Variants in PCNX3 observed in about 807,000 individuals in gnomAD.
PCNX3 encodes the protein pecanex 3, also known as pecanex-like protein 3.
A neutral mutation model predicts 207.2 loss-of-function variants in PCNX3; 58 were observed. The ratio of observed to expected loss-of-function variants is 0.28; its 90% CI spans 0.23 to 0.35. PCNX3 has a LOEUF of 0.35. Among genes scored for constraint, PCNX3 ranks in the 10% least tolerant of loss-of-function variants. PCNX3 has a pLI of 1.00. For missense variants in PCNX3, 2,410 were observed against 2,774.4 expected (o/e 0.87, Z 2.95); for synonymous variants, 1,337 against 1,183.5 (o/e 1.13, Z -2.66).
In PCNX3 at chr11:65,637,363, C is replaced by A; in HGVS notation, c.*385C>A. On this transcript the variant is annotated 3_prime_UTR_variant, in exon 35 of 35. Transcript: ENST00000355703. ...GTGGGAAGGGTGGTTTCTTTCTTTC[C>A]TTTTTTTTCTTTTCTTTTTTTTTTT... 1 of 198,382 alleles carries A rather than the reference C, an allele frequency of 5.0e-6. No homozygotes were observed. Among genetic ancestry groups the A allele is most frequent in the Non-Finnish European group, 9.9e-6 (1 of 101,370 alleles). 12.3% of individuals were successfully genotyped at this position (198,382 alleles called of 1,614,324 possible).
At position 65,636,285 on chromosome 11, in the gene PCNX3, C is replaced by A. The variant is rs774608062; in HGVS notation, c.5571C>A (p.His1857Gln). The change falls in exon 33 of 35, where the codon CAC becomes CAA. Residue 1857 changes from histidine (H) to glutamine (Q), a missense_variant. His to Gln is a conservative substitution (Grantham distance 24, BLOSUM62 0). This residue lies in a region of PCNX3 where 278 missense variants were observed against 245.1 expected (regional missense o/e 1.13). Transcript: ENST00000355703. Reference protein sequence around the residue: ...TSLSNNPPVAHPTPENTAGNG... With the variant: ...TSLSNNPPVAQPTPENTAGNG... Reference sequence around the variant, plus strand: ...TCAGCAATAACCCCCCCGTGGCACACCCCACACCTGAGAACACGGCAGGTG... The same window carrying A: ...TCAGCAATAACCCCCCCGTGGCACAACCCACACCTGAGAACACGGCAGGTG... 1.1e-5 allele frequency: 18 copies of A among 1,608,108 alleles called. 1 individual carries two copies. Among genetic ancestry groups the A allele is most frequent in the Middle Eastern group, 3.3e-4 (2 of 6,054 alleles).
Position 65,629,752 on chromosome 11 carries a change from G to C in PCNX3, c.4216+17G>C, listed in dbSNP as rs1463287662. On this transcript the variant is annotated intron_variant, in intron 26 of 34. Transcript: ENST00000355703. Reference sequence around the variant, plus strand: ...AGTTCCGGGGTGAGCCGCAGGACCAGGCTCGGGTGGGCAGGCACAGCTCGG... The same window carrying C: ...AGTTCCGGGGTGAGCCGCAGGACCACGCTCGGGTGGGCAGGCACAGCTCGG... 1 of 1,548,586 alleles carries C rather than the reference G, an allele frequency of 6.5e-7. No individual in the cohort carries two copies. Among genetic ancestry groups the C allele is most frequent in the African/African-American group, 1.4e-5 (1 of 72,986 alleles).
chr11:65,637,113 T>A lies in PCNX3; in HGVS notation c.*135T>A. On this transcript the variant is annotated 3_prime_UTR_variant, in exon 35 of 35. Transcript: ENST00000355703. ...TGACCTTTGGCTGCCTTGGCCAGAG[T>A]ACCAAAACTGAGTGACCCAGACCTC... 3.0e-6 allele frequency: 3 copies of A among 991,150 alleles called. No individual in the cohort carries two copies. The highest frequency in any genetic ancestry group is 1.6e-5 in the African/African-American group (1 of 61,830). The allele number at this position is 991,150 out of a possible 1,614,324, so 61.4% of individuals were successfully genotyped here. A position where few individuals can be genotyped will look rare whatever the true frequency, so the allele number is the denominator to read the frequency against.
chr11:65,623,825 C>A, intron 12 of PCNX3, 104 bp from the exon 13 acceptor site: 3 of 1,569,492 alleles, frequency 1.9e-6, no homozygotes, highest in Admixed American at 3.4e-5. Flanking sequence ...GGGGCCTGAC[C>A]TGGTCACTCA....
Position 65,626,059 on chromosome 11 carries a change from G to T in PCNX3, c.3379+5G>T. On this transcript the variant is annotated splice_donor_5th_base_variant and intron_variant, in intron 20 of 34. Coordinates refer to ENST00000355703, the MANE Select transcript of PCNX3 (RefSeq NM_032223.4). ...ACAGCCAGTATGAAGTGCGCGGTGA[G>T]TGCCCACCCCTGATGGCCAGGCCTG... 6.3e-7 allele frequency: 1 copy of T among 1,597,382 alleles called. No individual in the cohort carries two copies.
At position 65,619,886 on chromosome 11, in the gene PCNX3, T is replaced by C. The variant is rs373103309; in HGVS notation, c.1962T>C (p.Phe654=). The change falls in exon 8 of 35, where the codon TTT becomes TTC. Residue 654 remains phenylalanine (F), a synonymous_variant. Transcript: ENST00000355703. ...AGANVHEACT[F]DDTSEGAVHY... is the part of the protein sequence containing the mutation. Reference sequence around the variant, plus strand: ...CCAATGTGCATGAGGCCTGCACCTTTGATGACACTTCTGAGGGTGCTGTGC... The same window carrying C: ...CCAATGTGCATGAGGCCTGCACCTTCGATGACACTTCTGAGGGTGCTGTGC... The C allele has an allele frequency of 5.4e-5, 87 of 1,611,900 alleles. 1 individual carries two copies. In the Admixed American group the frequency reaches 1.3e-3, roughly 24 times the overall value.
Position 65,616,416 on chromosome 11 carries a change from C to T in PCNX3, c.105C>T (p.His35=), listed in dbSNP as rs561962666. The change falls in exon 1 of 35, where the codon CAC becomes CAT. Residue 35 remains histidine (H), a synonymous_variant. Coordinates refer to ENST00000355703, the MANE Select transcript of PCNX3 (RefSeq NM_032223.4). ...PHQSTFSNCF[H]LYVWIFLLIF... is the part of the protein sequence containing the mutation. ...AGAGCACCTTCTCCAACTGCTTCCA[C>T]CTCTATGTCTGGATCTTCCTGCTCA... The T allele has an allele frequency of 3.7e-5, 59 of 1,610,528 alleles. No homozygotes were observed. In the East Asian group the frequency reaches 8.3e-4, roughly 23 times the overall value.
intron 10 of PCNX3, among the ~76,000 whole-genome samples, chr11:65,621,370 C>T (rs1448302573): frequency 6.6e-6 from 1 of 152,218 alleles, no homozygotes; most frequent in Non-Finnish European, 1.5e-5. Flanking sequence ...CACTTCCTGT[C>T]TCAGTATACT....
rs148619950 is a variant in PCNX3 at position 65,620,135 on chromosome 11, A to G, written c.2008+203A>G. On this transcript the variant is annotated intron_variant, in intron 8 of 34. Coordinates refer to ENST00000355703, the MANE Select transcript of PCNX3 (RefSeq NM_032223.4). ...AGGAAACAGAGGCTCAGCTTACAGTACAGGGGAGATCTAAAGCTAGGACAG... is the reference window on the plus strand; with the variant it reads ...AGGAAACAGAGGCTCAGCTTACAGTGCAGGGGAGATCTAAAGCTAGGACAG... Among the ~76,000 whole-genome samples the G allele has an allele frequency of 5.5e-4, 84 of 152,336 alleles. 2 individuals are homozygous for G. In the East Asian group the frequency reaches 0.016, roughly 29 times the overall value.
rs920267907 is a variant in PCNX3 at position 65,618,538 on chromosome 11, C to G, written c.1176C>G (p.Ser392Arg). 2 of 1,611,116 alleles carry G rather than the reference C, an allele frequency of 1.2e-6. No homozygotes were observed. Among genetic ancestry groups the G allele is most frequent in the Admixed American group, 1.7e-5 (1 of 59,962 alleles). The change falls in exon 6 of 35, where the codon AGC becomes AGG. Residue 392 changes from serine to arginine, a missense_variant. This residue lies in a region of PCNX3 where 1,104 missense variants were observed against 970.3 expected (regional missense o/e 1.14). Coordinates refer to ENST00000355703, the MANE Select transcript of PCNX3 (RefSeq NM_032223.4). ...AGGACTTGGCCCTGCTACGGCCTAG[C>G]AAACGGCAGCCACCCCTGCGAAGAC... ...RPKDLALLRP[S>R]KRQPPLRRHS...
chr11:65,619,155 A>G (rs1854930208), intron 6 of PCNX3, 88 bp downstream of exon 6: 1 of 1,094,256 alleles, frequency 9.1e-7, no homozygotes, highest in Non-Finnish European at 1.3e-6. Flanking sequence ...GGACCTGGTC[A>G]GTGTCAGCTC....
chr11:65,616,023 C>A lies in PCNX3; in HGVS notation c.-289C>A, dbSNP rs1854707555. On this transcript the variant is annotated 5_prime_UTR_variant, in exon 1 of 35. The change creates a premature stop within an existing upstream ORF in the 5' untranslated region. Transcript: ENST00000355703. ...GTACCCGGCCCGTGCCCCGCGCCTG[C>A]CTGCCGGCTCGGCCCCTCGGAGCAA... The A allele has an allele frequency of 4.1e-6, 1 of 242,964 alleles. No homozygotes were observed. The highest frequency in any genetic ancestry group is 7.9e-6 in the Non-Finnish European group (1 of 127,212). The allele number at this position is 242,964 out of a possible 1,614,324, so 15.1% of individuals were successfully genotyped here. A position where few individuals can be genotyped will look rare whatever the true frequency, so the allele number is the denominator to read the frequency against.
intron 27 of PCNX3, among the ~76,000 whole-genome samples, chr11:65,633,029 G>C (rs996509873): frequency 6.6e-6 from 1 of 152,158 alleles, no homozygotes; most frequent in African/African-American, 2.4e-5. Context: ...ACAGGTGTGA[G>C]CCACCCTGTC....
At chr11:65,624,412 G>T in intron 14 of PCNX3, 46 bp downstream of exon 14, 1 of 1,551,688 alleles carries the variant, frequency 6.4e-7, no homozygotes, top group Admixed American at 2.0e-5. Context: ...GTGAGTCCCC[G>T]AGGGTGGGCC....
intron 1 of PCNX3, 128 bp from the exon 2 acceptor site, chr11:65,616,696 A>G: frequency 1.2e-5 from 13 of 1,103,782 alleles, no homozygotes; most frequent in South Asian, 3.1e-5. Flanking sequence ...AGGTCTGTGT[A>G]CTGGTTGTGT....
chr11:65,622,153 G>A, intron 10 of PCNX3, 92 bp from the exon 11 acceptor site: 1 of 1,367,518 alleles, frequency 7.3e-7, no homozygotes, highest in South Asian at 1.4e-5. Context: ...GGGGGTAACA[G>A]TAGACCATGT....
At chr11:65,633,535 C>T (rs949687588) in intron 27 of PCNX3, among the ~76,000 whole-genome samples, 2 of 152,180 alleles carry the variant, frequency 1.3e-5, no homozygotes, top group African/African-American at 4.8e-5. Context: ...CTGCCCCACT[C>T]GCTCCCCGCC....
Position 65,620,828 on chromosome 11 carries a change from C to T in PCNX3, c.2100-3C>T. 1 of 1,595,246 alleles carries T rather than the reference C, an allele frequency of 6.3e-7. No homozygotes were observed. ...GGGATCCTGATGGCTGCTGTTCTCA[C>T]AGGGACCGACACTCGCATTCCTCCA... is the stretch of plus-strand genomic sequence containing the variant. On this transcript the variant is annotated splice_region_variant and splice_polypyrimidine_tract_variant and intron_variant, in intron 9 of 34. Coordinates refer to ENST00000355703, the MANE Select transcript of PCNX3 (RefSeq NM_032223.4).
In PCNX3 at chr11:65,636,141, C is replaced by T. The variant is rs751829179; in HGVS notation, c.5460-33C>T. ...GAGGCCTCTGGCCTCAGCCGTGTCC[C>T]TCCTGATCCCTTTTCTACCTCTCCA... is the stretch of plus-strand genomic sequence containing the variant. On this transcript the variant is annotated intron_variant, in intron 32 of 34. Transcript: ENST00000355703. 5.7e-6 allele frequency: 9 copies of T among 1,581,652 alleles called. No homozygotes were observed. In the South Asian group the frequency reaches 9.2e-5, roughly 16 times the overall value.
Sources: gnomAD v4.1 joint callset for allele counts (sites outside exome capture counted in the v4.1 genomes callset) on GRCh38, gnomAD v4.1.1 for gene constraint, gnomAD v4.1.1 regional missense constraint, MANE v1.5 for transcripts, NCBI Gene and HGNC (gene_info 2026-07-23, HGNC 2026-07-21) for gene names.